The following ARHGAP26 variants were observed in gnomAD, a reference collection of about 807,000 sequenced individuals.
ARHGAP26 encodes Rho GTPase activating protein 26, also known as rho GTPase-activating protein 26.
In ARHGAP26, 38 loss-of-function variants were observed where a neutral mutation model predicts 104.8. The observed-to-expected ratio is 0.36, with a 90% CI of 0.28 to 0.48. ARHGAP26 has a LOEUF of 0.48. ARHGAP26 is among the 20% of genes least tolerant of loss of function. ARHGAP26 has a pLI of 0.99. For missense variants in ARHGAP26, 704 were observed against 947.9 expected, an observed-to-expected ratio of 0.74 and a Z score of 3.38; for synonymous variants, 341 against 340.0, an observed-to-expected ratio of 1.00 and a Z score of -0.03.
intron 2 of ARHGAP26, among the ~76,000 whole-genome samples, chr5:142,874,327 C>T (rs544780845): frequency 6.6e-5 from 10 of 152,236 alleles, no homozygotes; most frequent in African/African-American, 1.9e-4. Flanking sequence ...ATTAAATGAG[C>T]GAGAATTGAG....
At chr5:143,158,692 T>C (rs1238026730) in intron 20 of ARHGAP26, among the ~76,000 whole-genome samples, 4 of 152,224 alleles carry the variant, frequency 2.6e-5, no homozygotes, top group Non-Finnish European at 5.9e-5. Context: ...AAGACATTGC[T>C]TTAATGTTCC....
intron 11 of ARHGAP26, among the ~76,000 whole-genome samples, chr5:142,963,181 T>TATATATATATATATATATATATAC (rs1770611070): frequency 9.0e-6 from 1 of 111,570 alleles, no homozygotes; most frequent in African/African-American, 5.1e-5. Context: ...TGTATATATA[T>TATATATATATATATATATATATAC]ATATATATAT....
intron 11 of ARHGAP26, among the ~76,000 whole-genome samples, chr5:143,012,552 C>CATATATATATATATATATATACACAT (rs1778957666): frequency 4.8e-5 from 1 of 20,846 alleles, no homozygotes; most frequent in African/African-American, 1.2e-4. Flanking sequence ...TACATACATA[C>CATATATATATATATATATATACACAT]ATATATATAT....
At chr5:143,200,575 C>T (rs1038826807) in intron 20 of ARHGAP26, among the ~76,000 whole-genome samples, 1 of 151,050 alleles carries the variant, frequency 6.6e-6, no homozygotes, top group Non-Finnish European at 1.5e-5. Context: ...AGGGTATTAA[C>T]TACATGTGTA....
chr5:142,781,250 C>G (rs1757442810), intron 1 of ARHGAP26, among the ~76,000 whole-genome samples: 1 of 152,128 alleles, frequency 6.6e-6, no homozygotes, highest in South Asian at 2.1e-4. Flanking sequence ...TATTTTTGCC[C>G]CACCTCACCA....
chr5:142,813,135 G>A (rs35642579), intron 1 of ARHGAP26, among the ~76,000 whole-genome samples: 1 of 151,994 alleles, frequency 6.6e-6, no homozygotes, highest in Non-Finnish European at 1.5e-5. Context: ...TAGAGATGGG[G>A]TTTCACCGTG....
intron 14 of ARHGAP26, among the ~76,000 whole-genome samples, chr5:143,053,184 C>T (rs1281639075): frequency 6.6e-6 from 1 of 152,152 alleles, no homozygotes; most frequent in African/African-American, 2.4e-5. Flanking sequence ...GTTCGTGAGT[C>T]CTGGAGAGTT....
chr5:143,200,806 T>C (rs1807596745), intron 20 of ARHGAP26, among the ~76,000 whole-genome samples: 1 of 152,240 alleles, frequency 6.6e-6, no homozygotes, highest in South Asian at 2.1e-4. Context: ...TCTCATCTTA[T>C]AGCAGCTCTA....
chr5:142,850,605 C>T (rs372636345), intron 1 of ARHGAP26, among the ~76,000 whole-genome samples: 16 of 152,212 alleles, frequency 1.1e-4, no homozygotes, highest in South Asian at 4.1e-4. Flanking sequence ...TCAGTCTCTC[C>T]GTAAAATAGG....
chr5:143,166,155 C>T (rs1164585636), intron 20 of ARHGAP26: 19 of 1,200,376 alleles, frequency 1.6e-5, no homozygotes, highest in East Asian at 5.2e-5. Flanking sequence ...GAATAACACA[C>T]GCCCTTCCCC....
intron 20 of ARHGAP26, among the ~76,000 whole-genome samples, chr5:143,183,426 T>TA (rs1437894252): frequency 6.6e-6 from 1 of 152,180 alleles, no homozygotes; most frequent in Non-Finnish European, 1.5e-5. Context: ...CTTCAGTAAA[T>TA]GTTAACTCTT....
Position 143,054,473 on chromosome 5 carries a change from C to T in ARHGAP26, c.1320C>T (p.Ile440=), listed in dbSNP as rs1300134398. 2.5e-6 allele frequency: 4 copies of T among 1,613,272 alleles called. No homozygotes were observed. In the African/African-American group the frequency reaches 4.0e-5, roughly 16 times the overall value. Reference sequence around the variant, plus strand: ...CTGCTTCTGAGACAGAAACAGATATCTGTGCTGAATGGGAGATAAAGACCA... The same window carrying T: ...CTGCTTCTGAGACAGAAACAGATATTTGTGCTGAATGGGAGATAAAGACCA... ...PKTASETETD[I]CAEWEIKTIT... The change falls in exon 15 of 23, where the codon ATC becomes ATT. Residue 440 remains isoleucine (I), a synonymous_variant. Transcript: ENST00000645722.
intron 20 of ARHGAP26, among the ~76,000 whole-genome samples, chr5:143,152,199 G>A (rs550951263): frequency 6.6e-6 from 1 of 152,240 alleles, no homozygotes; most frequent in East Asian, 1.9e-4. Flanking sequence ...AGAACACAAA[G>A]ACTGAATGCT....
chr5:143,004,784 A>G (rs1438106562), intron 11 of ARHGAP26, among the ~76,000 whole-genome samples: 5 of 152,238 alleles, frequency 3.3e-5, no homozygotes, highest in African/African-American at 1.2e-4. Context: ...TTGCAGAGCA[A>G]GTGAGCAGAG....
intron 10 of ARHGAP26, chr5:142,919,568 C>T (rs1450447252): frequency 1.0e-5 from 4 of 397,254 alleles, no homozygotes; most frequent in Non-Finnish European, 1.8e-5. Flanking sequence ...AACTCAACAC[C>T]TACTGCTTGA....
chr5:142,837,411 C>T (rs1459280909), intron 1 of ARHGAP26, among the ~76,000 whole-genome samples: 1 of 152,044 alleles, frequency 6.6e-6, no homozygotes, highest in Non-Finnish European at 1.5e-5. Context: ...TTCTGCTTTC[C>T]TCTTCTACCA....
chr5:142,849,010 T>C (rs1750983357), intron 1 of ARHGAP26, among the ~76,000 whole-genome samples: 2 of 152,230 alleles, frequency 1.3e-5, no homozygotes, highest in South Asian at 4.1e-4. Flanking sequence ...ATCTGAAATT[T>C]ACTGGAAGTC....
At chr5:142,924,574 A>G (rs889836342) in intron 10 of ARHGAP26, among the ~76,000 whole-genome samples, 33 of 152,194 alleles carry the variant, frequency 2.2e-4, no homozygotes, top group African/African-American at 7.2e-4. Flanking sequence ...CAGTAAATCT[A>G]CCTGTGGTTT....
chr5:143,214,120 G>T, intron 22 of ARHGAP26, 32 bp downstream of exon 22: 1 of 338,644 alleles, frequency 3.0e-6, no homozygotes, highest in Non-Finnish European at 6.1e-6. Flanking sequence ...AAAGATATGG[G>T]CGGGGGGCGG....
Sources: allele counts gnomAD v4.1 joint callset (sites outside exome capture counted in the v4.1 genomes callset), GRCh38; gene constraint gnomAD v4.1.1; transcripts MANE v1.5; gene names NCBI Gene and HGNC (gene_info 2026-07-23, HGNC 2026-07-21).